The following THBS4 variants were observed in gnomAD, a reference collection of about 807,000 sequenced individuals.
THBS4 encodes the protein thrombospondin 4, also known as thrombospondin-4.
A neutral mutation model predicts 115.7 loss-of-function variants in THBS4; 90 were observed. That is an observed-to-expected ratio of 0.78 (90% confidence interval 0.66 to 0.93). The LOEUF is 0.93. THBS4 is among the 40% of genes least tolerant of loss of function. The pLI is 0.00. For synonymous variants in THBS4, 460 were observed against 479.3 expected (o/e 0.96, Z 0.53); for missense variants, 1,087 against 1,232.7 (o/e 0.88, Z 1.77).
At position 80,079,175 on chromosome 5, in the gene THBS4, G is replaced by A. The variant is rs765588772; in HGVS notation, c.2428G>A (p.Val810Met). ...CTACCAAGATAGCTCCAGCTTCTAC[G>A]TGGTCATGTGGAAGCAGACGGAGCA... ...FGYQDSSSFYVVMWKQTEQTY... is the reference protein window; with the variant it reads ...FGYQDSSSFYMVMWKQTEQTY... Residue 810 changes from valine to methionine, a missense_variant, in exon 19 of 22, where the codon GTG (valine) becomes ATG (methionine). Around this residue, in one of 3 missense-constraint regions of THBS4, gnomAD observed 979 missense variants for 1,103.7 expected, o/e 0.89. Coordinates refer to ENST00000350881, the MANE Select transcript of THBS4 (RefSeq NM_003248.6). 1.1e-5 allele frequency: 18 copies of A among 1,614,068 alleles called. No individual in the cohort carries two copies. Among genetic ancestry groups the A allele is most frequent in the African/African-American group, 2.7e-5 (2 of 74,926 alleles).
At chr5:80,015,234 A>G (rs1391697787) in intron 2 of THBS4, among the ~76,000 whole-genome samples, 1 of 152,192 alleles carries the variant, frequency 6.6e-6, no homozygotes, top group African/African-American at 2.4e-5. Context: ...GGGATGGGGA[A>G]AGTTTTGGTT....
chr5:80,074,755 A>G (rs1743111943), intron 15 of THBS4, among the ~76,000 whole-genome samples: 1 of 151,840 alleles, frequency 6.6e-6, no homozygotes, highest in Non-Finnish European at 1.5e-5. Flanking sequence ...CTGGGATTAC[A>G]GGTGTGTGCC....
intron 1 of THBS4, among the ~76,000 whole-genome samples, chr5:79,992,902 C>A (rs1831714725): frequency 1.3e-5 from 2 of 152,196 alleles, no homozygotes; most frequent in African/African-American, 4.8e-5. Context: ...TGTAATGGAA[C>A]CTCCCTGTTT....
intron 2 of THBS4, chr5:80,052,726 A>G (rs1833294219): frequency 6.6e-6 from 1 of 152,276 alleles, no homozygotes; most frequent in East Asian, 1.9e-4. Flanking sequence ...GTCAGATTTC[A>G]GAAGGGTGGG....
At chr5:79,999,177 A>G (rs1831852544) in intron 2 of THBS4, among the ~76,000 whole-genome samples, 1 of 152,250 alleles carries the variant, frequency 6.6e-6, no homozygotes, top group African/African-American at 2.4e-5. Flanking sequence ...GAATATATGT[A>G]TATTTGCTGG....
In THBS4 at chr5:80,005,283, A is replaced by G. The variant is rs190810657; in HGVS notation, n.177+6856A>G. 1.3e-4 allele frequency among the ~76,000 whole-genome samples: 20 copies of G among 152,280 alleles called. No homozygotes were observed. The East Asian group carries it at 2.5e-3, about 19-fold the overall frequency. Reference sequence around the variant, plus strand: ...TTACGCTAATATTCTCCAGCTTTTCATACATTTGCAAAAAGAAATAGATTA... The same window carrying G: ...TTACGCTAATATTCTCCAGCTTTTCGTACATTTGCAAAAAGAAATAGATTA... On this transcript the variant is annotated intron_variant and non_coding_transcript_variant, in intron 2 of 3. Transcript: ENST00000510218.
intron 2 of THBS4, among the ~76,000 whole-genome samples, chr5:80,029,251 C>T (rs1320610011): frequency 6.6e-6 from 1 of 152,186 alleles, no homozygotes; most frequent in Non-Finnish European, 1.5e-5. Flanking sequence ...TTAGCAAATA[C>T]ATCTAGACAC....
intron 8 of THBS4, among the ~76,000 whole-genome samples, chr5:80,063,013 A>G (rs181853691): frequency 1.4e-4 from 22 of 152,316 alleles, no homozygotes; most frequent in African/African-American, 5.1e-4. Context: ...ATGTGTCTTT[A>G]TAGCAGCATG....
At chr5:80,022,159 A>C (rs758684770) in intron 2 of THBS4, among the ~76,000 whole-genome samples, 7 of 152,192 alleles carry the variant, frequency 4.6e-5, no homozygotes, top group Non-Finnish European at 8.8e-5. Context: ...TTTATCAGGC[A>C]CTTTCAGGGT....
chr5:80,042,422 C>T (rs968320736), intron 2 of THBS4, among the ~76,000 whole-genome samples: 1 of 152,222 alleles, frequency 6.6e-6, no homozygotes, highest in Non-Finnish European at 1.5e-5. Flanking sequence ...GCCAGAAGTT[C>T]CTCTGCAGAG....
chr5:80,044,753 A>C lies in THBS4; in HGVS notation c.292+4473A>C, dbSNP rs545774330. On this transcript the variant is annotated intron_variant, in intron 2 of 21. Coordinates refer to ENST00000350881, the MANE Select transcript of THBS4 (RefSeq NM_003248.6). ...AAAAGATTTTTTTTTTTAATGAATAAATATTGAAGGGCTTTTGGAATAGGA... is the reference window on the plus strand; with the variant it reads ...AAAAGATTTTTTTTTTTAATGAATACATATTGAAGGGCTTTTGGAATAGGA... Among the ~76,000 whole-genome samples the C allele has an allele frequency of 2.6e-5, 4 of 152,118 alleles. No individual in the cohort carries two copies. In the East Asian group the frequency reaches 7.7e-4, roughly 29 times the overall value.
rs530087261 is a variant in THBS4, at chr5:80,058,391, C to G, written c.649+77C>G. ...CCCTGAATAGGCTGGGTCCCATCACCGAAAAGTGGGACTGTCAACAGAGCA... is the reference window on the plus strand; with the variant it reads ...CCCTGAATAGGCTGGGTCCCATCACGGAAAAGTGGGACTGTCAACAGAGCA... On this transcript the variant is annotated intron_variant, in intron 4 of 21. Coordinates refer to ENST00000350881, the MANE Select transcript of THBS4 (RefSeq NM_003248.6). 98 of 1,088,384 alleles carry G rather than the reference C, an allele frequency of 9.0e-5. No homozygotes were observed. In the East Asian group the frequency reaches 2.5e-3, roughly 28 times the overall value. 67.4% of individuals were successfully genotyped at this position (1,088,384 alleles called of 1,614,324 possible). A position where few individuals can be genotyped will look rare whatever the true frequency, so the allele number is the denominator to read the frequency against.
intron 14 of THBS4, among the ~76,000 whole-genome samples, chr5:80,072,966 T>C (rs1834123906): frequency 6.6e-6 from 1 of 152,240 alleles, no homozygotes; most frequent in African/African-American, 2.4e-5. Flanking sequence ...TGCCTATGGC[T>C]GGCTCCCTGT....
upstream of THBS4, among the ~76,000 whole-genome samples, chr5:80,031,619 GCTATACC>G (rs1232354508): frequency 3.3e-5 from 5 of 152,290 alleles, no homozygotes; most frequent in South Asian, 1.0e-3. Context: ...CCAGGGGTGG[GCTATACC>G]CTGCTCTATG....
intron 2 of THBS4, among the ~76,000 whole-genome samples, chr5:80,028,911 C>T (rs939107781): frequency 3.9e-5 from 6 of 152,082 alleles, no homozygotes; most frequent in South Asian, 2.1e-4. Flanking sequence ...TATATAGTCT[C>T]ATCTGTACCT....
chr5:80,030,968 A>T (rs781569534), upstream of THBS4, among the ~76,000 whole-genome samples: 2 of 152,250 alleles, frequency 1.3e-5, no homozygotes, highest in Non-Finnish European at 2.9e-5. Flanking sequence ...ATCAGTGCAC[A>T]GTATGGGTGA....
intron 2 of THBS4, among the ~76,000 whole-genome samples, chr5:80,012,302 A>G (rs1832142960): frequency 6.6e-6 from 1 of 152,220 alleles, no homozygotes; most frequent in African/African-American, 2.4e-5. Context: ...TAGGATGAGC[A>G]TAAGATTATC....
chr5:80,029,880 G>A (rs1309670339), intron 2 of THBS4, among the ~76,000 whole-genome samples: 2 of 152,022 alleles, frequency 1.3e-5, no homozygotes, highest in Non-Finnish European at 2.9e-5. Context: ...TGAGATAGGA[G>A]AATGGCGTGA....
intron 2 of THBS4, among the ~76,000 whole-genome samples, chr5:80,001,604 G>A (rs1392083189): frequency 6.6e-6 from 1 of 152,216 alleles, no homozygotes; most frequent in Non-Finnish European, 1.5e-5. Flanking sequence ...CAGTGTCAGT[G>A]AAGCACTCCT....
Sources: allele counts gnomAD v4.1 joint callset (sites outside exome capture counted in the v4.1 genomes callset), GRCh38; gene constraint gnomAD v4.1.1; regional missense constraint gnomAD v4.1.1; transcripts MANE v1.5; gene names NCBI Gene and HGNC (gene_info 2026-07-23, HGNC 2026-07-21).